CEP85L: variants seen among roughly 807,000 people sequenced by gnomAD.
CEP85L encodes the protein centrosomal protein of 85 kDa-like.
In CEP85L, 60 loss-of-function variants were observed where a neutral mutation model predicts 100.3. That is an observed-to-expected ratio of 0.60 (90% CI 0.49 to 0.74). CEP85L has a LOEUF of 0.74. Ranked by LOEUF, CEP85L falls within the 30% of genes least tolerant of loss-of-function variation. CEP85L has a pLI of 0.00. For missense variants in CEP85L, 973 were observed against 936.2 expected, an observed-to-expected ratio of 1.04 and a Z score of -0.51; for synonymous variants, 319 against 322.7, an observed-to-expected ratio of 0.99 and a Z score of 0.12.
At chr6:118,594,200 C>T (rs986052291) in intron 2 of CEP85L, among the ~76,000 whole-genome samples, 1 of 152,172 alleles carries the variant, frequency 6.6e-6, no homozygotes, top group African/African-American at 2.4e-5. Context: ...ATTGGCTAAA[C>T]AAATAAATAA....
At chr6:118,477,126 G>C (rs1395038480) in intron 10 of CEP85L, among the ~76,000 whole-genome samples, 3 of 152,036 alleles carry the variant, frequency 2.0e-5, no homozygotes, top group Non-Finnish European at 4.4e-5. Flanking sequence ...AGGAGAAGCA[G>C]CCAGGCTAGC....
chr6:118,565,791 T>C lies in CEP85L; in HGVS notation c.758A>G (p.Asp253Gly). 6.2e-7 allele frequency: 1 copy of C among 1,614,188 alleles called. No homozygotes were observed. Among genetic ancestry groups the C allele is most frequent in the South Asian group, 1.1e-5 (1 of 91,078 alleles). The change falls in exon 3 of 13, where the codon GAC becomes GGC. Residue 253 changes from aspartate (D) to glycine (G), a missense_variant. Around this residue, in one of 3 missense-constraint regions of CEP85L, gnomAD observed 890 missense variants for 844.5 expected, o/e 1.05. Transcript: ENST00000368491. ...TTCAGGTAAGGCACTATATGTCATG[T>C]CTACAGGCTGTCTCCTAAGAGTAGA... ...SSSTLRRQPV[D>G]MTYSALPESK... is the part of the protein sequence containing the mutation.
chr6:118,547,308 T>A (rs188476146), intron 3 of CEP85L, among the ~76,000 whole-genome samples: 1 of 152,262 alleles, frequency 6.6e-6, no homozygotes, highest in East Asian at 1.9e-4. Context: ...TCTAGGAAGT[T>A]CAAAATATCA....
chr6:118,482,644 A>T (rs546874704), intron 7 of CEP85L, among the ~76,000 whole-genome samples: 2 of 152,276 alleles, frequency 1.3e-5, no homozygotes, highest in Middle Eastern at 3.4e-3. Flanking sequence ...GCTATTGTGA[A>T]TAATCACATT....
chr6:118,651,829 G>A (rs1775591902), upstream of CEP85L: 1 of 985,536 alleles, frequency 1.0e-6, no homozygotes, highest in Non-Finnish European at 1.2e-6. Context: ...TTGAGTAGAG[G>A]GCAGCGACTT....
At chr6:118,485,041 A>C (rs1484348102) in intron 6 of CEP85L, among the ~76,000 whole-genome samples, 3 of 152,254 alleles carry the variant, frequency 2.0e-5, no homozygotes, top group African/African-American at 4.8e-5. Context: ...GTGTGTACAC[A>C]CATGATAATG....
intron 12 of CEP85L, among the ~76,000 whole-genome samples, chr6:118,467,008 A>G (rs944365520): frequency 2.6e-5 from 4 of 152,142 alleles, no homozygotes; most frequent in Non-Finnish European, 5.9e-5. Flanking sequence ...AGATGAAGGA[A>G]AAAGCAGAGT....
At position 118,537,779 on chromosome 6, in the gene CEP85L, C is replaced by A; in HGVS notation, c.1021-13859G>T. 6.1e-6 allele frequency: 6 copies of A among 985,290 alleles called. 1 individual carries two copies. Among genetic ancestry groups the A allele is most frequent in the Non-Finnish European group, 7.2e-6 (6 of 829,860 alleles). 61.0% of individuals were successfully genotyped at this position (985,290 alleles called of 1,614,324 possible). A position where few individuals can be genotyped will look rare whatever the true frequency, so the allele number is the denominator to read the frequency against. On this transcript the variant is annotated intron_variant, in intron 3 of 12. Transcript: ENST00000368491. ...GCTACCACACTTGACTGGAATACAA[C>A]CTCTGCAATTCTTCAAGTTTGTTAT... is the stretch of plus-strand genomic sequence containing the variant.
At chr6:118,470,730 T>C in intron 10 of CEP85L, 86 bp from the exon 11 acceptor site, 1 of 667,252 alleles carries the variant, frequency 1.5e-6, no homozygotes, top group South Asian at 2.4e-5. Flanking sequence ...ATGTTGGCTC[T>C]GAATACTTTA....
At chr6:118,625,579 A>G (rs1773736074) in intron 2 of CEP85L, among the ~76,000 whole-genome samples, 1 of 152,184 alleles carries the variant, frequency 6.6e-6, no homozygotes, top group African/African-American at 2.4e-5. Context: ...CCAAAAACGA[A>G]GGGCCCTAGA....
rs117317225 is a variant in CEP85L at position 118,495,695 on chromosome 6, C to G, written c.1258-3830G>C. On this transcript the variant is annotated intron_variant, in intron 5 of 12. Transcript: ENST00000368491. The stretch of plus-strand genomic sequence containing the variant: ...TACTGTTGGTGAAGAGGTGATCCTG[C>G]CTGCTGCCAAGCACATTTGTCATGA... Among the ~76,000 whole-genome samples the G allele has an allele frequency of 1.2e-4, 19 of 152,314 alleles. No homozygotes were observed. In the East Asian group the frequency reaches 3.3e-3, roughly 26 times the overall value.
intron 1 of CEP85L, among the ~76,000 whole-genome samples, chr6:118,704,998 G>T (rs2114377934): frequency 6.6e-6 from 1 of 151,406 alleles, no homozygotes; most frequent in South Asian, 2.1e-4. Flanking sequence ...CCCCTTCTTA[G>T]CCCTCTCTCC....
chr6:118,566,120 A>G lies in CEP85L; in HGVS notation c.429T>C (p.Ser143=), dbSNP rs1779487682. 6.2e-7 allele frequency: 1 copy of G among 1,614,178 alleles called. No individual in the cohort carries two copies. The highest frequency in any genetic ancestry group is 2.2e-5 in the East Asian group (1 of 44,874). ...GCCGGAAGTCCTTCATGTCTAGGGAAGAGTCCTGCTCCCCCCTACTGTGGT... is the reference window on the plus strand; with the variant it reads ...GCCGGAAGTCCTTCATGTCTAGGGAGGAGTCCTGCTCCCCCCTACTGTGGT... ...LGNHSRGEQD[S]SLDMKDFRPL... Residue 143 remains serine (S), a synonymous_variant, in exon 3 of 13, where the codon TCT becomes TCC. Transcript: ENST00000368491.
In CEP85L at chr6:118,464,988, G is replaced by A. The variant is rs2114375303; in HGVS notation, c.*417C>T. 6.5e-6 allele frequency: 1 copy of A among 154,828 alleles called. No individual in the cohort carries two copies. Among genetic ancestry groups the A allele is most frequent in the African/African-American group, 2.4e-5 (1 of 41,522 alleles). 9.6% of individuals were successfully genotyped at this position (154,828 alleles called of 1,614,324 possible). A position where few individuals can be genotyped will look rare whatever the true frequency, so the allele number is the denominator to read the frequency against. On this transcript the variant is annotated 3_prime_UTR_variant, in exon 13 of 13. Transcript: ENST00000368491. ...AGCGTGTGCCTTTCTCAGAAGCTCT[G>A]CTCTGACCCTAGAAACCCTTATAAA...
chr6:118,608,918 T>C (rs939215426), intron 2 of CEP85L, among the ~76,000 whole-genome samples: 2 of 152,186 alleles, frequency 1.3e-5, no homozygotes, highest in Non-Finnish European at 2.9e-5. Context: ...AAGGCCCCCA[T>C]AGAAGCCTTC....
chr6:118,552,952 A>G (rs1778638327), intron 3 of CEP85L, among the ~76,000 whole-genome samples: 1 of 151,994 alleles, frequency 6.6e-6, no homozygotes, highest in Non-Finnish European at 1.5e-5. Flanking sequence ...TTGATTTTAA[A>G]ATTCATCTAT....
intron 1 of CEP85L, among the ~76,000 whole-genome samples, chr6:118,706,207 AT>A (rs1483676748): frequency 1.3e-5 from 2 of 152,132 alleles, no homozygotes; most frequent in African/African-American, 4.8e-5. Context: ...TTTTAGTTTC[AT>A]TTTCTAGATA....
At position 118,566,085 on chromosome 6, in the gene CEP85L, T is replaced by G; in HGVS notation, c.464A>C (p.Lys155Thr). 1 of 1,614,196 alleles carries G rather than the reference T, an allele frequency of 6.2e-7. No homozygotes were observed. The highest frequency in any genetic ancestry group is 8.5e-7 in the Non-Finnish European group (1 of 1,180,034). The change falls in exon 3 of 13, where the codon AAA becomes ACA. Residue 155 changes from lysine to threonine, a missense_variant. This residue lies in a region of CEP85L where 890 missense variants were observed against 844.5 expected (regional missense o/e 1.05). Coordinates refer to ENST00000368491, the MANE Select transcript of CEP85L (RefSeq NM_001042475.3). ...LDMKDFRPLR[K>T]WSSLSKLTAP... ...AGTGAGTTTGGATAAAGATGACCATTTCCGAAGTGGCCGGAAGTCCTTCAT... is the reference window on the plus strand; with the variant it reads ...AGTGAGTTTGGATAAAGATGACCATGTCCGAAGTGGCCGGAAGTCCTTCAT...
rs563747764 is a variant in CEP85L at position 118,486,809 on chromosome 6, G to A, written c.1438-2951C>T. Among the ~76,000 whole-genome samples, 7 of 151,992 alleles carry A rather than the reference G, an allele frequency of 4.6e-5. No individual in the cohort carries two copies. The South Asian group carries it at 1.2e-3, about 27-fold the overall frequency. On this transcript the variant is annotated intron_variant, in intron 6 of 12. Coordinates refer to ENST00000368491, the MANE Select transcript of CEP85L (RefSeq NM_001042475.3). ...TTTGCATCTGTTACCAACCCTTCCC[G>A]AACTTGCTCCATTATGCACCCACTC... is the stretch of plus-strand genomic sequence containing the variant.
Sources: allele counts gnomAD v4.1 joint callset (sites outside exome capture counted in the v4.1 genomes callset), GRCh38; gene constraint gnomAD v4.1.1; regional missense constraint gnomAD v4.1.1; transcripts MANE v1.5; gene names NCBI Gene and HGNC (gene_info 2026-07-23, HGNC 2026-07-21).